ASIC2: variants seen among roughly 807,000 people sequenced by gnomAD.
The protein encoded by ASIC2 is acid sensing ion channel subunit 2, also known as acid-sensing ion channel 2.
Under a neutral mutation model 57.3 loss-of-function variants are expected in ASIC2, and 25 were observed. The observed-to-expected ratio is 0.44, with a 90% CI of 0.32 to 0.61. The LOEUF (loss-of-function observed/expected upper bound fraction) is 0.61. Ranked by LOEUF, ASIC2 falls within the 20% of genes least tolerant of loss-of-function variation. The probability of loss-of-function intolerance (pLI) is 0.06; values close to 1 mark genes in which losing one functional copy is unlikely to be tolerated. For synonymous variants in ASIC2, 319 were observed against 307.5 expected (o/e 1.04, Z -0.39); for missense variants, 641 against 738.1 (o/e 0.87, Z 1.52).
chr17:34,040,146 GACC>G (rs1340625586), intron 1 of ASIC2, among the ~76,000 whole-genome samples: 382 of 103,926 alleles, frequency 3.7e-3, no homozygotes, highest in African/African-American at 6.4e-3. Context: ...GCGGCCACGG[GACC>G]GGCCTCCTGG....
intron 1 of ASIC2, among the ~76,000 whole-genome samples, chr17:33,227,055 T>G (rs1331086379): frequency 6.6e-6 from 1 of 152,214 alleles, no homozygotes; most frequent in Admixed American, 6.5e-5. Context: ...GGGTGTTTTT[T>G]ATTTAGAGCA....
chr17:34,057,660 G>A (rs2039576914), intron 1 of ASIC2, among the ~76,000 whole-genome samples: 1 of 152,180 alleles, frequency 6.6e-6, no homozygotes, highest in African/African-American at 2.4e-5. Flanking sequence ...AGGAAAAAGA[G>A]GGCGAGGCAC....
At chr17:33,193,626 G>A (rs1906516086) in intron 1 of ASIC2, among the ~76,000 whole-genome samples, 1 of 152,194 alleles carries the variant, frequency 6.6e-6, no homozygotes, top group Non-Finnish European at 1.5e-5. Flanking sequence ...ACAGCATGTG[G>A]AAGTACTCCA....
intron 1 of ASIC2, among the ~76,000 whole-genome samples, chr17:33,718,218 G>GTTGT (rs1296308610): frequency 1.3e-5 from 2 of 152,116 alleles, no homozygotes; most frequent in African/African-American, 4.8e-5. Context: ...TATGTAAATG[G>GTTGT]TTGTTAGACT....
At chr17:33,643,192 A>C (rs146755080) in intron 1 of ASIC2, among the ~76,000 whole-genome samples, 2,390 of 149,624 alleles carry the variant, frequency 0.016, 55 homozygotes, top group African/African-American at 0.054. Flanking sequence ...GATATGTTTT[A>C]CAAATTATGA....
At chr17:33,099,910 G>C (rs941165624) in intron 2 of ASIC2, 5 of 152,194 alleles carry the variant, frequency 3.3e-5, no homozygotes, top group Non-Finnish European at 5.9e-5. Context: ...TGGATTCATA[G>C]CAATTTTTTG....
intron 1 of ASIC2, among the ~76,000 whole-genome samples, chr17:33,735,736 T>C (rs1395965740): frequency 1.3e-5 from 2 of 152,102 alleles, no homozygotes; most frequent in Admixed American, 6.5e-5. Flanking sequence ...CTCCCTGGGA[T>C]CACTCACTGT....
chr17:34,073,008 G>C (rs961258858), intron 1 of ASIC2, among the ~76,000 whole-genome samples: 1 of 152,140 alleles, frequency 6.6e-6, no homozygotes, highest in African/African-American at 2.4e-5. Flanking sequence ...ATTATGCCAG[G>C]TAACGTATTC....
intron 2 of ASIC2, among the ~76,000 whole-genome samples, chr17:33,102,005 T>A (rs780141398): frequency 6.6e-6 from 1 of 152,164 alleles, no homozygotes; most frequent in Non-Finnish European, 1.5e-5. Context: ...CCATCCCTTG[T>A]GGATCCAACA....
intron 1 of ASIC2, among the ~76,000 whole-genome samples, chr17:33,817,550 G>C (rs1410358967): frequency 6.6e-6 from 1 of 152,158 alleles, no homozygotes. Flanking sequence ...TGCCATTTCA[G>C]AGGCAGAGAA....
At chr17:33,615,331 T>C (rs1905566112) in intron 1 of ASIC2, among the ~76,000 whole-genome samples, 1 of 152,194 alleles carries the variant, frequency 6.6e-6, no homozygotes, top group South Asian at 2.1e-4. Context: ...TCACCAAAAG[T>C]GGGTGTTATT....
intron 1 of ASIC2, among the ~76,000 whole-genome samples, chr17:33,316,499 G>A (rs181336176): frequency 6.6e-6 from 1 of 152,306 alleles, no homozygotes; most frequent in African/African-American, 2.4e-5. Flanking sequence ...TGTTGGCCGG[G>A]CTGGTCTTGA....
chr17:33,866,235 T>G (rs929261704), intron 1 of ASIC2, among the ~76,000 whole-genome samples: 2 of 152,190 alleles, frequency 1.3e-5, no homozygotes, highest in Admixed American at 1.3e-4. Flanking sequence ...AAGACACACT[T>G]CTTAGTTATA....
rs182319502 is a variant in ASIC2 at position 33,976,913 on chromosome 17, G to C, written c.555+179065C>G. On this transcript the variant is annotated intron_variant, in intron 1 of 9. Coordinates refer to the ASIC2 transcript ENST00000359872. Reference sequence around the variant, plus strand: ...GAGGAGGGTGCCTGTGATCAGCCATGCTAATTTTGACATTTTCCTGTGCGT... The same window carrying C: ...GAGGAGGGTGCCTGTGATCAGCCATCCTAATTTTGACATTTTCCTGTGCGT... Among the ~76,000 whole-genome samples, 7 of 152,214 alleles carry C rather than the reference G, an allele frequency of 4.6e-5. No homozygotes were observed. In the East Asian group the frequency reaches 1.2e-3, roughly 25 times the overall value.
chr17:33,140,219 T>C (rs1175597390), intron 1 of ASIC2, among the ~76,000 whole-genome samples: 1 of 152,186 alleles, frequency 6.6e-6, no homozygotes, highest in Non-Finnish European at 1.5e-5. Flanking sequence ...CACTCCCAGA[T>C]TGTGTTCCCA....
intron 1 of ASIC2, among the ~76,000 whole-genome samples, chr17:33,221,723 A>G (rs1008287373): frequency 2.6e-5 from 4 of 152,206 alleles, no homozygotes; most frequent in Admixed American, 1.3e-4. Context: ...GAGCTTTAAA[A>G]TATGTTTATT....
At chr17:33,449,831 G>T (rs1912180899) in intron 1 of ASIC2, among the ~76,000 whole-genome samples, 1 of 151,542 alleles carries the variant, frequency 6.6e-6, no homozygotes, top group African/African-American at 2.4e-5. Flanking sequence ...CTGAAGTGCA[G>T]TGGCACAATC....
rs540749469 is a variant in ASIC2 at position 33,456,015 on chromosome 17, C to T, written c.556-343948G>A. 3.3e-5 allele frequency among the ~76,000 whole-genome samples: 5 copies of T among 152,328 alleles called. No homozygotes were observed. In the East Asian group the frequency reaches 9.6e-4, roughly 29 times the overall value. ...GTCACAGAGTTTGTTAGCAGCTAAG[C>T]TGGATGAGGAACTCAGCCCTCCAGG... is the stretch of plus-strand genomic sequence containing the variant. On this transcript the variant is annotated intron_variant, in intron 1 of 9. Coordinates refer to the ASIC2 transcript ENST00000359872.
At chr17:33,463,816 T>C (rs1478038889) in intron 1 of ASIC2, among the ~76,000 whole-genome samples, 1 of 152,252 alleles carries the variant, frequency 6.6e-6, no homozygotes, top group Non-Finnish European at 1.5e-5. Flanking sequence ...CTGCTCATAC[T>C]GTACTGTTTT....
Sources: gnomAD v4.1 joint callset for allele counts (sites outside exome capture counted in the v4.1 genomes callset) on GRCh38, gnomAD v4.1.1 for gene constraint, MANE v1.5 for transcripts, NCBI Gene and HGNC (gene_info 2026-07-23, HGNC 2026-07-21) for gene names.